CEP83: variants seen among roughly 807,000 people sequenced by gnomAD.
CEP83 encodes centrosomal protein 83.
Under a neutral mutation model 101.9 loss-of-function variants are expected in CEP83, and 70 were observed. That is an observed-to-expected ratio of 0.69 (90% CI 0.57 to 0.84). The LOEUF (loss-of-function observed/expected upper bound fraction) is 0.84. Among genes scored for constraint, CEP83 ranks in the 40% least tolerant of loss-of-function variants. The probability of loss-of-function intolerance (pLI) is 0.00; values close to 1 mark genes in which losing one functional copy is unlikely to be tolerated. For synonymous variants in CEP83, 264 were observed against 267.9 expected, an observed-to-expected ratio of 0.99 and a Z score of 0.14; for missense variants, 715 against 787.2, an observed-to-expected ratio of 0.91 and a Z score of 1.10.
intron 6 of CEP83, among the ~76,000 whole-genome samples, chr12:94,396,206 T>C (rs1167198505): frequency 1.3e-5 from 2 of 151,782 alleles, no homozygotes; most frequent in Non-Finnish European, 2.9e-5. Flanking sequence ...AATGACTATA[T>C]ATGCAACTTC....
intron 11 of CEP83, among the ~76,000 whole-genome samples, chr12:94,345,886 C>A (rs969770655): frequency 2.0e-5 from 3 of 152,112 alleles, no homozygotes; most frequent in Non-Finnish European, 4.4e-5. Flanking sequence ...CCAAAAAAGA[C>A]TCAAGAGGAC....
intron 7 of CEP83, among the ~76,000 whole-genome samples, chr12:94,378,069 C>G (rs1020480012): frequency 1.7e-4 from 26 of 152,092 alleles, no homozygotes; most frequent in Admixed American, 5.9e-4. Context: ...ATGTCCCCCC[C>G]ACCCAAATCA....
At chr12:94,424,475 C>G (rs558971416) in intron 2 of CEP83, 1 of 1,613,830 alleles carries the variant, frequency 6.2e-7, no homozygotes, top group African/African-American at 1.3e-5. Context: ...TCGAAGGATA[C>G]GGGTGGAGAT....
intron 1 of CEP83, among the ~76,000 whole-genome samples, chr12:94,441,773 G>A (rs1362425400): frequency 6.6e-6 from 1 of 152,024 alleles, no homozygotes; most frequent in Admixed American, 6.6e-5. Context: ...AAATTAGCTG[G>A]GTGTGGTGGT....
At chr12:94,400,759 C>G in intron 6 of CEP83, 91 bp downstream of exon 6, 7 of 683,096 alleles carry the variant, frequency 1.0e-5, no homozygotes, top group Non-Finnish European at 1.4e-5. Flanking sequence ...ACTATACAAT[C>G]GACTCTAATT....
the CEP83 span, among the ~76,000 whole-genome samples, chr12:94,267,685 G>A: frequency 6.5e-4 from 99 of 152,304 alleles, no homozygotes; most frequent in Non-Finnish European, 1.2e-3. Context: ...GCAGTTGTAC[G>A]AGAAGCTGCA....
At chr12:94,352,393 C>A (rs2060240853) in intron 11 of CEP83, among the ~76,000 whole-genome samples, 1 of 146,756 alleles carries the variant, frequency 6.8e-6, no homozygotes. Context: ...GCACTCCAAC[C>A]TGGGTGACAG....
chr12:94,363,424 G>A (rs564451237), intron 11 of CEP83, among the ~76,000 whole-genome samples: 1 of 152,300 alleles, frequency 6.6e-6, no homozygotes, highest in East Asian at 1.9e-4. Flanking sequence ...GAAGAAAATA[G>A]AATGGCAGTT....
chr12:94,456,214 A>T (rs2138663963), intron 1 of CEP83, among the ~76,000 whole-genome samples: 1 of 152,338 alleles, frequency 6.6e-6, no homozygotes, highest in South Asian at 2.1e-4. Context: ...GAATAGTGCC[A>T]GCATTCCTGA....
intron 8 of CEP83, among the ~76,000 whole-genome samples, chr12:94,371,029 G>T (rs998696996): frequency 6.6e-6 from 1 of 151,980 alleles, no homozygotes; most frequent in African/African-American, 2.4e-5. Context: ...ATGTGCTGGG[G>T]ACAAAGAAGG....
chr12:94,328,059 A>C (rs1347891330), intron 14 of CEP83: 1 of 158,276 alleles, frequency 6.3e-6, no homozygotes, highest in Non-Finnish European at 1.4e-5. Flanking sequence ...GATATTTTGC[A>C]ACTTCAAGAC....
chr12:94,456,423 CCTAT>C (rs1210408960), intron 1 of CEP83, among the ~76,000 whole-genome samples: 3 of 152,152 alleles, frequency 2.0e-5, no homozygotes, highest in Non-Finnish European at 4.4e-5. Flanking sequence ...AGTAGAAATG[CCTAT>C]CTGTCATTGT....
At chr12:94,373,551 T>C (rs2061394852) in intron 8 of CEP83, among the ~76,000 whole-genome samples, 1 of 152,188 alleles carries the variant, frequency 6.6e-6, no homozygotes, top group African/African-American at 2.4e-5. Context: ...TTAATTTAGG[T>C]AAATAAGGAC....
intron 2 of CEP83, among the ~76,000 whole-genome samples, chr12:94,432,003 C>G (rs913038749): frequency 1.3e-5 from 2 of 151,834 alleles, no homozygotes; most frequent in African/African-American, 2.4e-5. Context: ...CAGCACTATT[C>G]ACAATAGCAA....
chr12:94,403,114 A>G, intron 5 of CEP83, 56 bp downstream of exon 5: 1 of 923,290 alleles, frequency 1.1e-6, no homozygotes, highest in Non-Finnish European at 1.8e-6. Flanking sequence ...GATGCTTTTC[A>G]TCAAGACTTT....
At chr12:94,410,367 CAT>C (rs1380688338) in intron 4 of CEP83, among the ~76,000 whole-genome samples, 1 of 152,198 alleles carries the variant, frequency 6.6e-6, no homozygotes, top group Non-Finnish European at 1.5e-5. Flanking sequence ...CGCTTTACCA[CAT>C]GAGAAAACTA....
At chr12:94,353,946 T>C (rs752584949) in intron 11 of CEP83, among the ~76,000 whole-genome samples, 6 of 151,198 alleles carry the variant, frequency 4.0e-5, no homozygotes, top group Non-Finnish European at 8.8e-5. Flanking sequence ...GGATTAGCAA[T>C]AGTAAATATG....
chr12:94,344,124 G>A (rs2136663361), intron 11 of CEP83, among the ~76,000 whole-genome samples: 1 of 152,306 alleles, frequency 6.6e-6, no homozygotes, highest in South Asian at 2.1e-4. Context: ...AAAACTGTAA[G>A]AAAATTAATT....
At chr12:94,376,074 AATAAG>A (rs1356678206) in intron 7 of CEP83, 57 bp from the exon 8 acceptor site, 2 of 1,074,386 alleles carry the variant, frequency 1.9e-6, no homozygotes, top group African/African-American at 3.3e-5. Context: ...TTCAAAATCA[AATAAG>A]CACTATTTAA....
Sources: gnomAD v4.1 joint callset for allele counts (sites outside exome capture counted in the v4.1 genomes callset) on GRCh38, gnomAD v4.1.1 for gene constraint, MANE v1.5 for transcripts, NCBI Gene and HGNC (gene_info 2026-07-23, HGNC 2026-07-21) for gene names.